RFX3: variants seen among roughly 807,000 people sequenced by gnomAD.
The protein encoded by RFX3 is regulatory factor X3.
RFX3 carries 14 observed loss-of-function variants against 98.6 expected under a neutral mutation model. The ratio of observed to expected loss-of-function variants is 0.14; its 90% CI spans 0.09 to 0.22. The LOEUF is 0.22. RFX3 is among the 10% of genes least tolerant of loss of function. RFX3 has a pLI of 1.00. For missense variants in RFX3, 639 were observed against 926.9 expected (o/e 0.69, Z 4.03); for synonymous variants, 383 against 328.4 (o/e 1.17, Z -1.80).
At chr9:3,309,086 G>A (rs1829666511) in intron 4 of RFX3, among the ~76,000 whole-genome samples, 1 of 152,098 alleles carries the variant, frequency 6.6e-6, no homozygotes. Context: ...CTTTGTTCTT[G>A]TCAGGTAGAT....
At chr9:3,434,372 G>C (rs150082178) in intron 1 of RFX3, among the ~76,000 whole-genome samples, 1 of 151,886 alleles carries the variant, frequency 6.6e-6, no homozygotes, top group Non-Finnish European at 1.5e-5. Flanking sequence ...CACCTTATTC[G>C]CATGTAAGCT....
At chr9:3,259,011 T>C (rs1042678097) in intron 13 of RFX3, among the ~76,000 whole-genome samples, 3 of 152,022 alleles carry the variant, frequency 2.0e-5, no homozygotes, top group African/African-American at 7.2e-5. Flanking sequence ...TCTTTCCATG[T>C]AGGCAAATTA....
At chr9:3,239,805 C>T (rs1322559617) in intron 15 of RFX3, among the ~76,000 whole-genome samples, 1 of 152,216 alleles carries the variant, frequency 6.6e-6, no homozygotes, top group African/African-American at 2.4e-5. Flanking sequence ...ACAGAGCCAG[C>T]TGGATGTGAC....
At chr9:3,370,653 A>G (rs774506173) in intron 2 of RFX3, among the ~76,000 whole-genome samples, 128 of 152,240 alleles carry the variant, frequency 8.4e-4, no homozygotes, top group Non-Finnish European at 1.6e-3. Context: ...AAAACATAAT[A>G]AACTGCATAA....
At chr9:3,317,078 A>C (rs755074896) in intron 4 of RFX3, among the ~76,000 whole-genome samples, 1 of 152,204 alleles carries the variant, frequency 6.6e-6, no homozygotes, top group Non-Finnish European at 1.5e-5. Flanking sequence ...CTAAGCCAAA[A>C]GAACAAAGCT....
intron 1 of RFX3, among the ~76,000 whole-genome samples, chr9:3,488,237 TTAAGA>T (rs1462765449): frequency 6.6e-6 from 1 of 152,102 alleles, no homozygotes; most frequent in East Asian, 1.9e-4. Context: ...CTCAGATAAT[TTAAGA>T]TAAGCTCATT....
chr9:3,437,681 G>C (rs1845265283), intron 1 of RFX3, among the ~76,000 whole-genome samples: 1 of 151,996 alleles, frequency 6.6e-6, no homozygotes, highest in South Asian at 2.1e-4. Context: ...AGGATTTGAA[G>C]TTAAAAGGTG....
intron 15 of RFX3, among the ~76,000 whole-genome samples, chr9:3,238,500 T>C (rs1819480402): frequency 1.3e-5 from 2 of 152,218 alleles, no homozygotes; most frequent in Non-Finnish European, 1.5e-5. Flanking sequence ...CATGTAAACC[T>C]TGGCCTAACC....
chr9:3,505,645 AG>A (rs1005257300), intron 1 of RFX3, among the ~76,000 whole-genome samples: 9 of 150,988 alleles, frequency 6.0e-5, no homozygotes, highest in African/African-American at 1.7e-4. Context: ...AAATATACAA[AG>A]CCACATTTGA....
chr9:3,448,743 C>T (rs775452259), intron 1 of RFX3, among the ~76,000 whole-genome samples: 9 of 152,178 alleles, frequency 5.9e-5, no homozygotes, highest in African/African-American at 1.2e-4. Context: ...TGGTCTCAAA[C>T]GCCTGGCCTC....
rs1821528875 is a variant in RFX3, at chr9:3,252,359, T to A, written c.1815-4174A>T. Among the ~76,000 whole-genome samples the A allele has an allele frequency of 2.0e-5, 3 of 152,010 alleles. No individual in the cohort carries two copies. The South Asian group carries it at 6.2e-4, about 32-fold the overall frequency. On this transcript the variant is annotated intron_variant, in intron 14 of 16. Transcript: ENST00000617270. Reference sequence around the variant, plus strand: ...GTAAATACACAAGTAGATAAAAAAATATAAAGTTAGGGAGTAAGAGATCCT... The same window carrying A: ...GTAAATACACAAGTAGATAAAAAAAAATAAAGTTAGGGAGTAAGAGATCCT...
intron 8 of RFX3, among the ~76,000 whole-genome samples, chr9:3,276,019 G>A (rs1457460337): frequency 6.6e-6 from 1 of 152,006 alleles, no homozygotes; most frequent in Non-Finnish European, 1.5e-5. Flanking sequence ...CTGTTATAGA[G>A]TCATAAACCT....
chr9:3,475,054 G>A (rs1181406323), intron 1 of RFX3, among the ~76,000 whole-genome samples: 1 of 149,958 alleles, frequency 6.7e-6, no homozygotes, highest in Non-Finnish European at 1.5e-5. Context: ...AGCTATAATT[G>A]TGCCACTGCA....
At chr9:3,431,953 C>A (rs1464293520) in intron 1 of RFX3, among the ~76,000 whole-genome samples, 1 of 152,150 alleles carries the variant, frequency 6.6e-6, no homozygotes, top group African/African-American at 2.4e-5. Flanking sequence ...GAGGAAGCAG[C>A]AGACCAACTC....
At chr9:3,236,249 T>G (rs1819138598) in intron 15 of RFX3, among the ~76,000 whole-genome samples, 1 of 152,188 alleles carries the variant, frequency 6.6e-6, no homozygotes, top group Non-Finnish European at 1.5e-5. Flanking sequence ...AGCATGCATT[T>G]CAAGGCCTAG....
intron 2 of RFX3, among the ~76,000 whole-genome samples, chr9:3,376,236 G>A (rs1838477092): frequency 6.6e-6 from 1 of 152,056 alleles, no homozygotes; most frequent in Admixed American, 6.6e-5. Flanking sequence ...ACTGCTGGTG[G>A]GAATATAAAA....
chr9:3,475,329 G>A (rs1343855857), intron 1 of RFX3, among the ~76,000 whole-genome samples: 1 of 151,690 alleles, frequency 6.6e-6, no homozygotes, highest in Non-Finnish European at 1.5e-5. Context: ...GGGCCCGGGG[G>A]ACCGCAACCA....
At chr9:3,429,171 C>T (rs1046604243) in intron 1 of RFX3, among the ~76,000 whole-genome samples, 7 of 150,994 alleles carry the variant, frequency 4.6e-5, no homozygotes, top group East Asian at 1.9e-4. Flanking sequence ...TACAGGCGCC[C>T]GCCAACACGT....
intron 1 of RFX3, among the ~76,000 whole-genome samples, chr9:3,478,029 A>G (rs1023707559): frequency 6.6e-6 from 1 of 152,084 alleles, no homozygotes; most frequent in African/African-American, 2.4e-5. Context: ...TTCTCTGGTG[A>G]AACACCATTC....
Sources: allele counts gnomAD v4.1 joint callset (sites outside exome capture counted in the v4.1 genomes callset), GRCh38; gene constraint gnomAD v4.1.1; transcripts MANE v1.5; gene names NCBI Gene and HGNC (gene_info 2026-07-23, HGNC 2026-07-21).